The following TRAPPC13 variants were observed in gnomAD, a reference collection of about 807,000 sequenced individuals.
TRAPPC13 encodes the protein trafficking protein particle complex subunit 13.
A neutral mutation model predicts 54.0 loss-of-function variants in TRAPPC13; 39 were observed. The observed-to-expected ratio is 0.72, with a 90% CI of 0.56 to 0.94. The LOEUF (loss-of-function observed/expected upper bound fraction) is 0.94. Among genes scored for constraint, TRAPPC13 ranks in the 40% least tolerant of loss-of-function variants. The pLI is 0.00. For synonymous variants in TRAPPC13, 148 were observed against 167.7 expected (o/e 0.88, Z 0.91); for missense variants, 386 against 488.1 (o/e 0.79, Z 1.97).
Position 65,635,997 on chromosome 5 carries a change from G to C in TRAPPC13, c.169G>C (p.Glu57Gln). Residue 57 changes from glutamate (E) to glutamine (Q), a missense_variant, in exon 3 of 13, where the codon GAA (glutamate) becomes CAA (glutamine). Coordinates refer to ENST00000399438, the MANE Select transcript of TRAPPC13 (RefSeq NM_024941.4). ...RDDPSTVNGA[E>Q]VLMLGEMLTL... ...TGATCCTTCAACCGTTAATGGTGCA[G>C]AAGTTTTAATGTTGGGAGAAATGCT... 1.2e-6 allele frequency: 2 copies of C among 1,602,892 alleles called. No individual in the cohort carries two copies. The highest frequency in any genetic ancestry group is 2.3e-5 in the South Asian group (2 of 88,620).
intron 2 of TRAPPC13, 74 bp from the exon 3 acceptor site, chr5:65,635,870 C>A: frequency 2.3e-6 from 2 of 877,532 alleles, no homozygotes; most frequent in African/African-American, 1.8e-5. Flanking sequence ...ATATCTCTCC[C>A]AGCTATTTCT....
chr5:65,657,082 G>T lies in TRAPPC13; in HGVS notation c.565-1286G>T, dbSNP rs187897734. On this transcript the variant is annotated intron_variant, in intron 8 of 12. Transcript: ENST00000399438. ...ACAGAGCAAGACTCCATCTTGTGGGGGTTGGGGGAAGCTCATAGGCCAGGC... is the reference window on the plus strand; with the variant it reads ...ACAGAGCAAGACTCCATCTTGTGGGTGTTGGGGGAAGCTCATAGGCCAGGC... Among the ~76,000 whole-genome samples the T allele has an allele frequency of 2.7e-5, 4 of 150,534 alleles. No homozygotes were observed. The East Asian group carries it at 6.1e-4, about 23-fold the overall frequency.
At chr5:65,646,577 A>G (rs556371802) in intron 4 of TRAPPC13, among the ~76,000 whole-genome samples, 5 of 151,992 alleles carry the variant, frequency 3.3e-5, no homozygotes, top group African/African-American at 9.7e-5. Context: ...GTTATCCACA[A>G]TGTATTATTT....
intron 1 of TRAPPC13, chr5:65,629,510 T>A: frequency 4.9e-6 from 7 of 1,440,208 alleles, no homozygotes; most frequent in Non-Finnish European, 6.3e-6. Context: ...AATCTTGCAA[T>A]AATAAATTAA....
chr5:65,652,453 A>G lies in TRAPPC13; in HGVS notation c.502-48A>G, dbSNP rs1404137267. On this transcript the variant is annotated intron_variant, in intron 6 of 12. Transcript: ENST00000399438. ...CTATTTGATTTAAATAAATAAATAA[A>G]TGGTCACATGATAACAATCTCCTGA... 4.5e-6 allele frequency: 6 copies of G among 1,321,008 alleles called. No homozygotes were observed. The East Asian group carries it at 9.3e-5, about 20-fold the overall frequency. 81.8% of individuals were successfully genotyped at this position (1,321,008 alleles called of 1,614,324 possible).
intron 5 of TRAPPC13, among the ~76,000 whole-genome samples, 190 bp from the exon 6 acceptor site, chr5:65,650,620 T>C (rs532864564): frequency 6.6e-6 from 1 of 152,362 alleles, no homozygotes; most frequent in South Asian, 2.1e-4. Flanking sequence ...TATCTCATTT[T>C]ACTAATCAGA....
chr5:65,650,964 G>T (rs1251738315), intron 6 of TRAPPC13, 82 bp downstream of exon 6: 10 of 1,025,704 alleles, frequency 9.7e-6, no homozygotes, highest in Non-Finnish European at 1.5e-5. Flanking sequence ...TTATCTGCAG[G>T]GAAAACAAGC....
chr5:65,637,402 C>T lies in TRAPPC13; in HGVS notation c.216-294C>T, dbSNP rs550511989. Among the ~76,000 whole-genome samples the T allele has an allele frequency of 3.6e-4, 55 of 152,176 alleles. 1 individual carries two copies. The South Asian group carries it at 9.7e-3, about 27-fold the overall frequency. Reference sequence around the variant, plus strand: ...ATCCCAGCACTTTGAGAGACTGAGGCGGGCGGATCATGAGATCAGGAGATC... The same window carrying T: ...ATCCCAGCACTTTGAGAGACTGAGGTGGGCGGATCATGAGATCAGGAGATC... On this transcript the variant is annotated intron_variant, in intron 3 of 12. Transcript: ENST00000399438.
chr5:65,626,031 T>C (rs1399949106), intron 1 of TRAPPC13: 2 of 152,228 alleles, frequency 1.3e-5, no homozygotes, highest in Non-Finnish European at 2.9e-5. Context: ...AGCGAGATTG[T>C]CTCTTACTGT....
chr5:65,634,746 A>G (rs1040849934), intron 1 of TRAPPC13, among the ~76,000 whole-genome samples: 2 of 151,878 alleles, frequency 1.3e-5, no homozygotes, highest in Non-Finnish European at 2.9e-5. Flanking sequence ...CAAAAAAAAA[A>G]AAAATAACCA....
At chr5:65,661,703 C>G (rs1341844632) in intron 10 of TRAPPC13, 1 of 168,144 alleles carries the variant, frequency 5.9e-6, no homozygotes, top group Non-Finnish European at 1.3e-5. Context: ...TAGAAAATAA[C>G]TTTACCTATT....
Position 65,647,126 on chromosome 5 carries a change from G to T in TRAPPC13, c.372G>T (p.Pro124=). The T allele has an allele frequency of 6.4e-7, 1 of 1,573,270 alleles. No homozygotes were observed. Among genetic ancestry groups the T allele is most frequent in the Non-Finnish European group, 8.6e-7 (1 of 1,157,486 alleles). Residue 124 remains proline, a synonymous_variant, in exon 5 of 13, where the codon CCG becomes CCT. Coordinates refer to ENST00000399438, the MANE Select transcript of TRAPPC13 (RefSeq NM_024941.4). ...ASNAAVAELK[P]DCCIDDVIHH... ...ATGCTGCAGTGGCTGAACTTAAACC[G>T]GATTGTTGTATTGATGATGTCATAC...
intron 1 of TRAPPC13, among the ~76,000 whole-genome samples, chr5:65,628,150 T>C (rs761418123): frequency 5.3e-5 from 8 of 152,212 alleles, no homozygotes; most frequent in Non-Finnish European, 1.0e-4. Flanking sequence ...CTATGCACCA[T>C]ATGCTGGAAT....
chr5:65,648,553 T>TAGA (rs1756296825), intron 5 of TRAPPC13, among the ~76,000 whole-genome samples: 1 of 152,172 alleles, frequency 6.6e-6, no homozygotes, highest in Non-Finnish European at 1.5e-5. Context: ...GCAGCTAGTT[T>TAGA]AGAAGACATA....
At chr5:65,642,237 C>T (rs1178347092) in intron 4 of TRAPPC13, among the ~76,000 whole-genome samples, 1 of 151,984 alleles carries the variant, frequency 6.6e-6, no homozygotes, top group Non-Finnish European at 1.5e-5. Context: ...GCAGGAGAAT[C>T]GCTTGAACTT....
chr5:65,662,722 T>C (rs948137147), intron 11 of TRAPPC13: 2 of 152,190 alleles, frequency 1.3e-5, no homozygotes, highest in African/African-American at 4.8e-5. Context: ...GTATTATTAT[T>C]TGGGGTATTT....
intron 8 of TRAPPC13, among the ~76,000 whole-genome samples, chr5:65,656,387 A>T (rs199626899): frequency 6.7e-6 from 1 of 149,090 alleles, no homozygotes; most frequent in African/African-American, 2.5e-5. Flanking sequence ...TTATTTTTTT[A>T]AAAGCAATGG....
intron 9 of TRAPPC13, among the ~76,000 whole-genome samples, chr5:65,659,376 C>T (rs1270656880): frequency 1.3e-5 from 2 of 152,160 alleles, no homozygotes; most frequent in African/African-American, 4.8e-5. Flanking sequence ...AATAAAGATC[C>T]TAGCCCTTTT....
chr5:65,628,756 C>A (rs1317863486), intron 1 of TRAPPC13, among the ~76,000 whole-genome samples: 1 of 152,030 alleles, frequency 6.6e-6, no homozygotes, highest in Non-Finnish European at 1.5e-5. Context: ...CAGGCATGAG[C>A]CACCGCACCT....
Sources: allele counts gnomAD v4.1 joint callset (sites outside exome capture counted in the v4.1 genomes callset), GRCh38; gene constraint gnomAD v4.1.1; transcripts MANE v1.5; gene names NCBI Gene and HGNC (gene_info 2026-07-23, HGNC 2026-07-21).